Variants in RALGAPA1 observed in about 807,000 individuals in gnomAD.
RALGAPA1 encodes ral GTPase-activating protein subunit alpha-1.
A neutral mutation model predicts 269.6 loss-of-function variants in RALGAPA1; 52 were observed. That is an observed-to-expected ratio of 0.19 (90% confidence interval 0.15 to 0.24). The LOEUF is 0.24. RALGAPA1 is among the 10% of genes least tolerant of loss of function. RALGAPA1 has a pLI of 1.00. For missense variants in RALGAPA1, 1,917 were observed against 3,013.9 expected (o/e 0.64, Z 8.52); for synonymous variants, 817 against 1,008.3 (o/e 0.81, Z 3.60).
At chr14:35,659,588 T>C (rs1035088089) in intron 27 of RALGAPA1, among the ~76,000 whole-genome samples, 4 of 152,006 alleles carry the variant, frequency 2.6e-5, no homozygotes, top group African/African-American at 7.2e-5. Flanking sequence ...TTCCAAAATA[T>C]TGAAGATGAG....
At chr14:35,738,411 G>C (rs1054771058) in intron 12 of RALGAPA1, 102 bp downstream of exon 12, 23 of 721,898 alleles carry the variant, frequency 3.2e-5, no homozygotes, top group Non-Finnish European at 4.2e-5. Context: ...AAATATAGGT[G>C]GTGAATTTAT....
At chr14:35,572,196 A>G (rs1313290063) in intron 38 of RALGAPA1, among the ~76,000 whole-genome samples, 2 of 152,238 alleles carry the variant, frequency 1.3e-5, no homozygotes, top group Non-Finnish European at 2.9e-5. Context: ...TCAACTAAAA[A>G]TATAGGAATC....
At chr14:35,713,472 C>T (rs1487275461) in intron 16 of RALGAPA1, among the ~76,000 whole-genome samples, 1 of 152,184 alleles carries the variant, frequency 6.6e-6, no homozygotes, top group Admixed American at 6.5e-5. Context: ...TCTTCTTAAA[C>T]TCACAGTACT....
chr14:35,562,634 C>A (rs959996623), intron 39 of RALGAPA1, among the ~76,000 whole-genome samples: 1 of 152,086 alleles, frequency 6.6e-6, no homozygotes, highest in Non-Finnish European at 1.5e-5. Context: ...CCTCTTCTTA[C>A]CTACCCAGTA....
chr14:35,541,143 T>C (rs1056827229), intron 41 of RALGAPA1, among the ~76,000 whole-genome samples: 1 of 148,526 alleles, frequency 6.7e-6, no homozygotes, highest in African/African-American at 2.5e-5. Flanking sequence ...CTGCCCGGGT[T>C]CAAGCGATTC....
chr14:35,712,765 CTAAAGTGCTAAGATTA>C (rs1392595372), intron 16 of RALGAPA1, among the ~76,000 whole-genome samples: 1 of 152,188 alleles, frequency 6.6e-6, no homozygotes, highest in East Asian at 1.9e-4. Flanking sequence ...CCACCTCAGT[CTAAAGTGCTAAGATTA>C]CAAAGTGCTA....
chr14:35,649,852 C>T (rs2062695656), intron 31 of RALGAPA1, among the ~76,000 whole-genome samples: 1 of 151,954 alleles, frequency 6.6e-6, no homozygotes, highest in African/African-American at 2.4e-5. Context: ...CTGTTTAGTG[C>T]CTAGCAGAAC....
Position 35,756,567 on chromosome 14 carries a change from G to A in RALGAPA1, c.663+226C>T, listed in dbSNP as rs189775563. On this transcript the variant is annotated intron_variant, in intron 7 of 41. Coordinates refer to ENST00000680220, the MANE Select transcript of RALGAPA1 (RefSeq NM_001346249.2). ...GAATCTAAAACTTGAGTTTACATGA[G>A]AAGTGTAGGAAATATCCCCTACCAC... 2.4e-3 allele frequency: 604 copies of A among 255,634 alleles called. 2 individuals carry two copies. The highest frequency in any genetic ancestry group is 3.0e-3 in the Non-Finnish European group (394 of 132,998). 15.8% of individuals were successfully genotyped at this position (255,634 alleles called of 1,614,324 possible). A position where few individuals can be genotyped will look rare whatever the true frequency, so the allele number is the denominator to read the frequency against.
intron 39 of RALGAPA1, among the ~76,000 whole-genome samples, chr14:35,564,758 T>A (rs1424588305): frequency 1.3e-5 from 2 of 152,160 alleles, no homozygotes; most frequent in Non-Finnish European, 2.9e-5. Flanking sequence ...TTCTATAATA[T>A]ACATATATGC....
At chr14:35,777,790 C>G (rs1297674300) in intron 1 of RALGAPA1, among the ~76,000 whole-genome samples, 1 of 151,836 alleles carries the variant, frequency 6.6e-6, no homozygotes, top group African/African-American at 2.4e-5. Flanking sequence ...CTCAAGTGAT[C>G]CGCCCGCCTC....
chr14:35,793,238 CT>C (rs762905743), intron 1 of RALGAPA1, among the ~76,000 whole-genome samples: 244 of 140,982 alleles, frequency 1.7e-3, no homozygotes, highest in Middle Eastern at 7.3e-3. Flanking sequence ...CCAAAGTCTA[CT>C]TTTTTTTTTT....
At chr14:35,792,031 T>C (rs1595570854) in intron 1 of RALGAPA1, among the ~76,000 whole-genome samples, 3 of 152,040 alleles carry the variant, frequency 2.0e-5, no homozygotes, top group Middle Eastern at 3.4e-3. Flanking sequence ...TTCAACTACT[T>C]CAACACTTAG....
In RALGAPA1 at chr14:35,713,582, A is replaced by G. The variant is rs544613381; in HGVS notation, c.2266+8106T>C. On this transcript the variant is annotated intron_variant, in intron 16 of 41. Transcript: ENST00000680220. Reference sequence around the variant, plus strand: ...GTTTTTTGTGTTTACAGGATTATTCAGTAGTTCTTTTTCAGCTTTTACATG... The same window carrying G: ...GTTTTTTGTGTTTACAGGATTATTCGGTAGTTCTTTTTCAGCTTTTACATG... 1.8e-4 allele frequency among the ~76,000 whole-genome samples: 28 copies of G among 152,368 alleles called. 1 individual carries two copies. The South Asian group carries it at 5.8e-3, about 32-fold the overall frequency.
intron 17 of RALGAPA1, among the ~76,000 whole-genome samples, chr14:35,692,127 C>T (rs1443196002): frequency 6.6e-6 from 1 of 152,040 alleles, no homozygotes; most frequent in African/African-American, 2.4e-5. Flanking sequence ...AGATTATATT[C>T]AGCATGCACT....
At chr14:35,716,520 TTATATACCATTATATACC>T (rs2068844523) in intron 16 of RALGAPA1, among the ~76,000 whole-genome samples, 11 of 151,330 alleles carry the variant, frequency 7.3e-5, no homozygotes, top group Admixed American at 7.3e-4. Flanking sequence ...CCTAAGAAAA[TTATATACCATTATATACC>T]TATATACCAT....
chr14:35,760,791 C>T, intron 6 of RALGAPA1, 38 bp downstream of exon 6: 1 of 1,528,530 alleles, frequency 6.5e-7, no homozygotes, highest in Non-Finnish European at 9.0e-7. Context: ...ACATAGAGAG[C>T]TTAAACCTAC....
At chr14:35,596,155 A>T (rs1390859427) in intron 36 of RALGAPA1, among the ~76,000 whole-genome samples, 1 of 152,104 alleles carries the variant, frequency 6.6e-6, no homozygotes, top group Admixed American at 6.6e-5. Context: ...TATCAGTTTG[A>T]CAAAATGATT....
intron 21 of RALGAPA1, among the ~76,000 whole-genome samples, chr14:35,682,910 A>C (rs962574736): frequency 1.6e-4 from 25 of 152,172 alleles, no homozygotes; most frequent in African/African-American, 5.6e-4. Context: ...AGGATATGAA[A>C]ACAGAGAATG....
chr14:35,577,360 C>A (rs72642577), intron 37 of RALGAPA1, among the ~76,000 whole-genome samples: 2 of 151,912 alleles, frequency 1.3e-5, no homozygotes, highest in South Asian at 4.2e-4. Context: ...TTATGTTATG[C>A]GGGCTCCTTT....
Sources: gnomAD v4.1 joint callset for allele counts (sites outside exome capture counted in the v4.1 genomes callset) on GRCh38, gnomAD v4.1.1 for gene constraint, MANE v1.5 for transcripts, NCBI Gene and HGNC (gene_info 2026-07-23, HGNC 2026-07-21) for gene names.